The following CELF2 variants were observed in gnomAD, a reference collection of about 807,000 sequenced individuals.
The protein encoded by CELF2 is CUGBP Elav-like family member 2, also known as CUG triplet repeat RNA-binding protein 2.
A neutral mutation model predicts 62.6 loss-of-function variants in CELF2; 8 were observed. The ratio of observed to expected loss-of-function variants is 0.13; its 90% confidence interval spans 0.07 to 0.23. CELF2 has a LOEUF of 0.23. Among genes scored for constraint, CELF2 ranks in the 10% least tolerant of loss-of-function variants. The pLI, the probability that CELF2 is intolerant of heterozygous loss-of-function variation, is 1.00. For synonymous variants in CELF2, 258 were observed against 250.0 expected (o/e 1.03, Z -0.30); for missense variants, 333 against 671.0 (o/e 0.50, Z 5.56).
the CELF2 span, among the ~76,000 whole-genome samples, chr10:10,637,030 T>TTA: frequency 2.0e-5 from 3 of 152,158 alleles, no homozygotes; most frequent in Non-Finnish European, 2.9e-5. Flanking sequence ...TTCATGGTAA[T>TTA]TATATATATG....
the CELF2 span, among the ~76,000 whole-genome samples, chr10:10,503,137 T>C: frequency 3.3e-5 from 5 of 151,970 alleles, no homozygotes; most frequent in Non-Finnish European, 5.9e-5. Flanking sequence ...ATTTGTTTTA[T>C]CCATAGGATA....
intron 1 of CELF2, among the ~76,000 whole-genome samples, chr10:10,890,000 C>G (rs914924946): frequency 2.0e-5 from 3 of 152,100 alleles, no homozygotes; most frequent in Non-Finnish European, 4.4e-5. Flanking sequence ...ATGCTAAAAT[C>G]AAAAGTATAC....
At chr10:11,138,232 C>T (rs1311241562) in intron 1 of CELF2, among the ~76,000 whole-genome samples, 1 of 152,212 alleles carries the variant, frequency 6.6e-6, no homozygotes, top group African/African-American at 2.4e-5. Context: ...TTCCCAGCAG[C>T]TGCCATTTCT....
intron 5 of CELF2, among the ~76,000 whole-genome samples, chr10:11,263,918 C>T (rs1007112958): frequency 1.3e-5 from 2 of 152,214 alleles, no homozygotes; most frequent in African/African-American, 4.8e-5. Flanking sequence ...TCCCGAGTGA[C>T]ACAGAGAGTG....
the CELF2 span, among the ~76,000 whole-genome samples, chr10:10,533,399 T>C: frequency 6.6e-6 from 1 of 152,218 alleles, no homozygotes; most frequent in Non-Finnish European, 1.5e-5. Context: ...AAACTTTTAA[T>C]GATCATTATG....
intron 1 of CELF2, among the ~76,000 whole-genome samples, chr10:11,124,665 C>T (rs1311740622): frequency 6.6e-6 from 1 of 152,158 alleles, no homozygotes; most frequent in Non-Finnish European, 1.5e-5. Flanking sequence ...GAGTACCTAC[C>T]ATGTGCCAGG....
At chr10:10,864,889 C>A (rs1413301811) in intron 1 of CELF2, among the ~76,000 whole-genome samples, 1 of 152,162 alleles carries the variant, frequency 6.6e-6, no homozygotes, top group African/African-American at 2.4e-5. Flanking sequence ...TCCCCAGATA[C>A]TATCATCTAG....
chr10:11,144,588 T>TAAAAAA (rs570609919), intron 1 of CELF2, among the ~76,000 whole-genome samples: 1,600 of 141,164 alleles, frequency 0.011, 24 homozygotes, highest in African/African-American at 0.039. Context: ...CTGTATTATT[T>TAAAAAA]AAAAAAAAAA....
At chr10:10,856,675 T>G (rs888155432) in intron 1 of CELF2, among the ~76,000 whole-genome samples, 4 of 152,222 alleles carry the variant, frequency 2.6e-5, no homozygotes, top group African/African-American at 9.6e-5. Flanking sequence ...TGCCAAGCCT[T>G]CTACTCGTGC....
chr10:11,285,826 G>GGGGT lies in CELF2; in HGVS notation c.842-2591_842-2590insGGTG, dbSNP rs1555067024. Among the ~76,000 whole-genome samples, 4 of 128,792 alleles carry GGGGT rather than the reference G, an allele frequency of 3.1e-5. No homozygotes were observed. The highest frequency in any genetic ancestry group is 4.9e-5 in the Non-Finnish European group (3 of 61,512). The allele number at this position is 128,792 out of a possible 152,430, so 84.5% of individuals were successfully genotyped here. On this transcript the variant is annotated intron_variant, in intron 8 of 12. Transcript: ENST00000633077. The surrounding 1 kb of genome is among the most constrained non-coding windows in gnomAD (Gnocchi z 4.3). The stretch of plus-strand genomic sequence containing the variant: ...TTGCTCATCACCTACTATATATATT[G>GGGGT]GTGTGTGTGTGTGTGTGTGTGTGTG...
chr10:10,893,292 G>A (rs563823908), intron 1 of CELF2, among the ~76,000 whole-genome samples: 1 of 152,204 alleles, frequency 6.6e-6, no homozygotes, highest in Admixed American at 6.5e-5. Context: ...CATAGAGAAA[G>A]AGCTTAATTA....
the CELF2 span, among the ~76,000 whole-genome samples, chr10:10,509,585 A>G: frequency 1.3e-5 from 2 of 152,222 alleles, no homozygotes; most frequent in East Asian, 3.8e-4. Context: ...CCTAGTCTAT[A>G]GTATTTTTGT....
chr10:10,651,806 G>T, the CELF2 span, among the ~76,000 whole-genome samples: 1 of 151,844 alleles, frequency 6.6e-6, no homozygotes, highest in Non-Finnish European at 1.5e-5. Flanking sequence ...ACTCTAAAAA[G>T]CAGAGCGCCT....
rs559055015 is a variant in CELF2, at chr10:10,982,908, T to G, written c.89+62909T>G. Among the ~76,000 whole-genome samples, 353 of 99,374 alleles carry G rather than the reference T, an allele frequency of 3.6e-3. 2 individuals carry two copies. In the East Asian group the frequency reaches 0.077, roughly 22 times the overall value. The allele number at this position is 99,374 out of a possible 152,430, so 65.2% of individuals were successfully genotyped here. A position where few individuals can be genotyped will look rare whatever the true frequency, so the allele number is the denominator to read the frequency against. The stretch of plus-strand genomic sequence containing the variant: ...CTACTGGAAATTTTCTGGTGTGTGT[T>G]TTTTTTTTTTAATGTTTGCATTTTC... On this transcript the variant is annotated intron_variant, in intron 2 of 13. Transcript: ENST00000636488.
intron 1 of CELF2, among the ~76,000 whole-genome samples, chr10:10,800,051 CTAAGT>C (rs2054503555): frequency 8.1e-6 from 1 of 123,614 alleles, no homozygotes; most frequent in South Asian, 2.7e-4. Context: ...TATTAATTTG[CTAAGT>C]TTTTATTTCC....
chr10:10,640,097 C>A, the CELF2 span, among the ~76,000 whole-genome samples: 1 of 152,202 alleles, frequency 6.6e-6, no homozygotes, highest in Non-Finnish European at 1.5e-5. Context: ...TTCTTCTGCA[C>A]TCTCAGTGTG....
At chr10:10,807,774 T>A (rs2055386129) in intron 1 of CELF2, among the ~76,000 whole-genome samples, 1 of 152,164 alleles carries the variant, frequency 6.6e-6, no homozygotes, top group Admixed American at 6.5e-5. Flanking sequence ...CTTTACCAAG[T>A]CCAATATATT....
intron 2 of CELF2, among the ~76,000 whole-genome samples, chr10:11,216,057 A>T (rs771247147): frequency 1.3e-5 from 2 of 152,194 alleles, no homozygotes; most frequent in African/African-American, 4.8e-5. Flanking sequence ...GAAATGTTAT[A>T]ATGTTCAGTT....
chr10:11,113,284 T>C (rs2055690439), intron 1 of CELF2, among the ~76,000 whole-genome samples: 1 of 152,220 alleles, frequency 6.6e-6, no homozygotes, highest in Non-Finnish European at 1.5e-5. Flanking sequence ...AAATTGGCAT[T>C]TTTAGGTGTT....
Sources: allele counts gnomAD v4.1 joint callset (sites outside exome capture counted in the v4.1 genomes callset), GRCh38; gene constraint gnomAD v4.1.1; non-coding constraint Gnocchi (gnomAD v3.1); transcripts MANE v1.5; gene names NCBI Gene and HGNC (gene_info 2026-07-23, HGNC 2026-07-21).